CSNK2A2IP: variants seen among roughly 807,000 people sequenced by gnomAD.
The protein encoded by CSNK2A2IP is casein kinase II subunit alpha'-interacting protein.
chr3:88,445,933 C>CCTTCTTTCTTTCTTCTTTCTCT, the CSNK2A2IP span, among the ~76,000 whole-genome samples: 3 of 139,574 alleles, frequency 2.1e-5, no homozygotes, highest in African/African-American at 5.6e-5. Context: ...TTTCTTTCTT[C>CCTTCTTTCTTTCTTCTTTCTCT]CTTTCTTTCT....
At chr3:88,466,093 C>G in the CSNK2A2IP span, 1 of 1,231,644 alleles carries the variant, frequency 8.1e-7, no homozygotes, top group Non-Finnish European at 1.0e-6. Flanking sequence ...TTCACCATCA[C>G]TCAACACAAA....
chr3:88,363,871 G>T, the CSNK2A2IP span, among the ~76,000 whole-genome samples: 22 of 152,154 alleles, frequency 1.4e-4, no homozygotes. Context: ...GAAAAGGCAT[G>T]CTTCCTAACC....
the CSNK2A2IP span, among the ~76,000 whole-genome samples, chr3:88,370,629 TTTC>T: frequency 1.3e-5 from 2 of 151,176 alleles, no homozygotes; most frequent in Admixed American, 6.6e-5. Flanking sequence ...TCTTTCTTTC[TTTC>T]TTTTCTCTCT....
the CSNK2A2IP span, among the ~76,000 whole-genome samples, chr3:88,393,093 T>C: frequency 6.6e-6 from 1 of 152,158 alleles, no homozygotes; most frequent in African/African-American, 2.4e-5. Flanking sequence ...ATATCTTCTG[T>C]AGTGACAATC....
At chr3:88,394,522 G>A in the CSNK2A2IP span, among the ~76,000 whole-genome samples, 58,316 of 151,956 alleles carry the variant, frequency 0.38, 14,195 homozygotes, top group South Asian at 0.6. Context: ...ACAGGCATCC[G>A]CCACCACGGC....
At chr3:88,439,722 CAG>C in the CSNK2A2IP span, among the ~76,000 whole-genome samples, 1 of 127,612 alleles carries the variant, frequency 7.8e-6, no homozygotes, top group African/African-American at 3.0e-5. Context: ...AGCCTAGCGA[CAG>C]AGTGAGACTC....
the CSNK2A2IP span, among the ~76,000 whole-genome samples, chr3:88,345,684 A>G: frequency 3.9e-5 from 6 of 151,920 alleles, no homozygotes; most frequent in Non-Finnish European, 7.4e-5. Context: ...TAAATGTTGT[A>G]TGTGCTCTTG....
At chr3:88,344,120 C>G in the CSNK2A2IP span, among the ~76,000 whole-genome samples, 3 of 151,864 alleles carry the variant, frequency 2.0e-5, no homozygotes, top group African/African-American at 7.2e-5. Flanking sequence ...AAATTGCAAC[C>G]AGGCTCCCAT....
the CSNK2A2IP span, among the ~76,000 whole-genome samples, chr3:88,446,022 T>C: frequency 2.0e-5 from 2 of 97,858 alleles, no homozygotes; most frequent in Non-Finnish European, 5.1e-5. Flanking sequence ...CTTTTCTTTC[T>C]TTGTTTCTTT....
At chr3:88,367,667 G>A in the CSNK2A2IP span, among the ~76,000 whole-genome samples, 1 of 152,004 alleles carries the variant, frequency 6.6e-6, no homozygotes, top group African/African-American at 2.4e-5. Context: ...GTTAATGCAA[G>A]CCGTTCACAC....
At chr3:88,464,063 A>T in the CSNK2A2IP span, among the ~76,000 whole-genome samples, 1 of 151,536 alleles carries the variant, frequency 6.6e-6, no homozygotes, top group Non-Finnish European at 1.5e-5. Flanking sequence ...TATTGCAAGG[A>T]CAAAAAACCA....
At chr3:88,455,983 AG>A in the CSNK2A2IP span, among the ~76,000 whole-genome samples, 28 of 151,932 alleles carry the variant, frequency 1.8e-4, no homozygotes, top group East Asian at 4.3e-3. Flanking sequence ...CCATATTCTT[AG>A]TACCTTTGTT....
the CSNK2A2IP span, among the ~76,000 whole-genome samples, chr3:88,464,088 T>G: frequency 6.8e-6 from 1 of 146,608 alleles, no homozygotes; most frequent in African/African-American, 2.5e-5. Context: ...CCACATGTTC[T>G]CACTCATAGG....
chr3:88,452,565 TTTC>T, the CSNK2A2IP span, among the ~76,000 whole-genome samples: 1 of 151,952 alleles, frequency 6.6e-6, no homozygotes, highest in East Asian at 1.9e-4. Context: ...ATGGATAGAG[TTTC>T]TTCAAGTTCA....
At chr3:88,418,009 T>C in the CSNK2A2IP span, among the ~76,000 whole-genome samples, 6 of 152,220 alleles carry the variant, frequency 3.9e-5, no homozygotes, top group Middle Eastern at 3.2e-3. Context: ...CACAGCATCT[T>C]TATGATACTG....
At chr3:88,458,141 G>GTTTTT in the CSNK2A2IP span, among the ~76,000 whole-genome samples, 2 of 83,302 alleles carry the variant, frequency 2.4e-5, no homozygotes, top group African/African-American at 5.4e-5. Flanking sequence ...TGTAATTGTG[G>GTTTTT]TTTTTTTTTT....
the CSNK2A2IP span, among the ~76,000 whole-genome samples, chr3:88,413,772 T>G: frequency 6.6e-6 from 1 of 152,000 alleles, no homozygotes; most frequent in Non-Finnish European, 1.5e-5. Context: ...TATTTTTATG[T>G]ATATGTGGCA....
the CSNK2A2IP span, among the ~76,000 whole-genome samples, chr3:88,373,623 TAATG>T: frequency 7.0e-6 from 1 of 142,552 alleles, no homozygotes; most frequent in Non-Finnish European, 1.5e-5. Flanking sequence ...AAAAAGGAAA[TAATG>T]AAGTTAAGAG....
chr3:88,339,576 T>C, the CSNK2A2IP span, among the ~76,000 whole-genome samples: 10 of 152,152 alleles, frequency 6.6e-5, no homozygotes, highest in Admixed American at 5.9e-4. Context: ...CACATATATT[T>C]TAAGGTATGT....
Sources: allele counts gnomAD v4.1 joint callset (sites outside exome capture counted in the v4.1 genomes callset), GRCh38; gene constraint gnomAD v4.1.1; transcripts MANE v1.5; gene names NCBI Gene and HGNC (gene_info 2026-07-23, HGNC 2026-07-21).